The following AGBL4 variants were observed in gnomAD, a reference collection of about 807,000 sequenced individuals.
The protein encoded by AGBL4 is AGBL carboxypeptidase 4.
A neutral mutation model predicts 66.4 loss-of-function variants in AGBL4; 58 were observed. That is an observed-to-expected ratio of 0.87 (90% CI 0.71 to 1.09). AGBL4 has a LOEUF of 1.09. Ranked by LOEUF, AGBL4 falls within the 50% of genes least tolerant of loss-of-function variation. The pLI, the probability that AGBL4 is intolerant of heterozygous loss-of-function variation, is 0.00. For synonymous variants in AGBL4, 234 were observed against 222.9 expected (o/e 1.05, Z -0.44); for missense variants, 579 against 631.0 (o/e 0.92, Z 0.88).
At chr1:49,547,074 T>C (rs1279331364) in intron 3 of AGBL4, among the ~76,000 whole-genome samples, 3 of 152,232 alleles carry the variant, frequency 2.0e-5, no homozygotes, top group Non-Finnish European at 2.9e-5. Flanking sequence ...ATGAAATCCT[T>C]CCCTAAGCCA....
chr1:49,744,546 G>T (rs1650835342), intron 2 of AGBL4, among the ~76,000 whole-genome samples: 1 of 151,942 alleles, frequency 6.6e-6, no homozygotes, highest in Admixed American at 6.6e-5. Context: ...ATACTAAAGG[G>T]ATTCCTTCCT....
rs546400424 is a variant in AGBL4, at chr1:49,526,930, C to A, written c.282+170383G>T. Among the ~76,000 whole-genome samples, 3 of 152,160 alleles carry A rather than the reference C, an allele frequency of 2.0e-5. No homozygotes were observed. The South Asian group carries it at 6.2e-4, about 32-fold the overall frequency. ...ATTTTCTGATACTGTCCAGCAGCAG[C>A]CAGATAACTGAGATAACTGATGTAC... On this transcript the variant is annotated intron_variant, in intron 3 of 13. Transcript: ENST00000371839.
intron 5 of AGBL4, among the ~76,000 whole-genome samples, chr1:48,996,557 T>C (rs892066209): frequency 6.6e-6 from 1 of 152,174 alleles, no homozygotes; most frequent in Non-Finnish European, 1.5e-5. Context: ...CTGTGTGAAG[T>C]GCTGCTATGA....
At chr1:49,238,260 T>C (rs1360871017) in intron 4 of AGBL4, among the ~76,000 whole-genome samples, 1 of 152,218 alleles carries the variant, frequency 6.6e-6, no homozygotes, top group Non-Finnish European at 1.5e-5. Flanking sequence ...TTTAAACATT[T>C]ATTTTTAGTC....
chr1:49,535,753 G>A (rs1437173013), intron 3 of AGBL4, among the ~76,000 whole-genome samples: 13 of 152,086 alleles, frequency 8.5e-5, no homozygotes, highest in South Asian at 2.1e-4. Flanking sequence ...GTGCCGTGGC[G>A]CGATCTCGGC....
At chr1:49,821,522 T>C (rs966557244) in intron 2 of AGBL4, among the ~76,000 whole-genome samples, 1 of 152,218 alleles carries the variant, frequency 6.6e-6, no homozygotes, top group Non-Finnish European at 1.5e-5. Context: ...GATGTGGGAA[T>C]TTAAGATTAT....
intron 2 of AGBL4, among the ~76,000 whole-genome samples, chr1:49,768,258 T>TA (rs918268739): frequency 6.6e-6 from 1 of 151,966 alleles, no homozygotes; most frequent in African/African-American, 2.4e-5. Context: ...ATGATGAACA[T>TA]AGACACAAAA....
chr1:48,780,070 C>G (rs964337978), intron 6 of AGBL4, among the ~76,000 whole-genome samples: 2 of 151,012 alleles, frequency 1.3e-5, no homozygotes, highest in African/African-American at 2.5e-5. Flanking sequence ...TATACATGTG[C>G]AAAACATGCA....
At chr1:49,749,557 C>T (rs955939681) in intron 2 of AGBL4, among the ~76,000 whole-genome samples, 8 of 151,960 alleles carry the variant, frequency 5.3e-5, no homozygotes, top group Non-Finnish European at 1.0e-4. Flanking sequence ...TTAGCAAAGT[C>T]ACAGATACAA....
chr1:49,198,864 C>G (rs912312852), intron 4 of AGBL4, among the ~76,000 whole-genome samples: 1 of 151,998 alleles, frequency 6.6e-6, no homozygotes, highest in East Asian at 1.9e-4. Flanking sequence ...ATATTTGGCC[C>G]GTCTACCTAT....
chr1:49,891,599 T>C (rs1303549932), intron 1 of AGBL4, among the ~76,000 whole-genome samples: 1 of 152,156 alleles, frequency 6.6e-6, no homozygotes, highest in Non-Finnish European at 1.5e-5. Context: ...TGCTTGAAAG[T>C]GAAACCTGAT....
At chr1:49,456,907 T>C (rs1646402484) in intron 3 of AGBL4, among the ~76,000 whole-genome samples, 1 of 151,762 alleles carries the variant, frequency 6.6e-6, no homozygotes, top group African/African-American at 2.4e-5. Context: ...ACTATTTTGT[T>C]TCTTTTTATG....
chr1:48,613,014 G>C (rs1311970868), intron 9 of AGBL4, among the ~76,000 whole-genome samples: 1 of 152,032 alleles, frequency 6.6e-6, no homozygotes. Context: ...GGCACCTGTA[G>C]TCCCAGCTAC....
chr1:49,555,662 C>T (rs1265664248), intron 3 of AGBL4, among the ~76,000 whole-genome samples: 1 of 149,272 alleles, frequency 6.7e-6, no homozygotes, highest in Non-Finnish European at 1.5e-5. Context: ...CCAGAATCTA[C>T]AAAGAACTCA....
At chr1:48,671,806 G>T (rs1646281555) in intron 6 of AGBL4, among the ~76,000 whole-genome samples, 2 of 152,208 alleles carry the variant, frequency 1.3e-5, no homozygotes, top group Non-Finnish European at 2.9e-5. Flanking sequence ...CACACATGAT[G>T]TTCTCAGTAA....
chr1:49,741,447 T>C (rs946978054), intron 2 of AGBL4, among the ~76,000 whole-genome samples: 1 of 152,170 alleles, frequency 6.6e-6, no homozygotes, highest in Non-Finnish European at 1.5e-5. Flanking sequence ...AGCAAATGGA[T>C]TCACAGCTGA....
chr1:49,003,413 A>T (rs1345214073), intron 5 of AGBL4, among the ~76,000 whole-genome samples: 1 of 152,190 alleles, frequency 6.6e-6, no homozygotes, highest in African/African-American at 2.4e-5. Flanking sequence ...AAATAAATAC[A>T]TACATACAAA....
intron 5 of AGBL4, among the ~76,000 whole-genome samples, chr1:48,887,892 C>T (rs1481778407): frequency 1.3e-5 from 2 of 152,120 alleles, no homozygotes; most frequent in African/African-American, 2.4e-5. Context: ...TGGCAAAGGG[C>T]CTGGCACAGG....
intron 4 of AGBL4, among the ~76,000 whole-genome samples, chr1:49,068,902 G>A (rs969612873): frequency 6.6e-6 from 1 of 152,130 alleles, no homozygotes; most frequent in South Asian, 2.1e-4. Flanking sequence ...GTTGTTTCCT[G>A]ACTTTTCAAT....
Sources: allele counts gnomAD v4.1 joint callset (sites outside exome capture counted in the v4.1 genomes callset), GRCh38; gene constraint gnomAD v4.1.1; transcripts MANE v1.5; gene names NCBI Gene and HGNC (gene_info 2026-07-23, HGNC 2026-07-21).